The following C1orf185 variants were observed in gnomAD, a reference collection of about 807,000 sequenced individuals.
The protein encoded by C1orf185 is chromosome 1 open reading frame 185.
C1orf185 carries 13 observed loss-of-function variants against 16.1 expected under a neutral mutation model. That is an observed-to-expected ratio of 0.81 (90% CI 0.53 to 1.28). The LOEUF (loss-of-function observed/expected upper bound fraction) is 1.28, where lower values mean the gene tolerates loss of function less well. Among genes scored for constraint, C1orf185 ranks in the 50% most tolerant of loss-of-function variants. The pLI is 0.00. For missense variants in C1orf185, 220 were observed against 225.2 expected, an observed-to-expected ratio of 0.98 and a Z score of 0.15; for synonymous variants, 80 against 76.9, an observed-to-expected ratio of 1.04 and a Z score of -0.21.
At chr1:51,107,036 C>T (rs1294073040) in intron 1 of C1orf185, among the ~76,000 whole-genome samples, 2 of 152,106 alleles carry the variant, frequency 1.3e-5, no homozygotes, top group African/African-American at 2.4e-5. Flanking sequence ...GGATTACAGG[C>T]GTGAGCCACC....
chr1:51,108,366 T>C (rs540391042), intron 1 of C1orf185, among the ~76,000 whole-genome samples: 6 of 152,290 alleles, frequency 3.9e-5, no homozygotes, highest in African/African-American at 1.4e-4. Flanking sequence ...ATGTGTACAA[T>C]GTGTAATACT....
At chr1:51,104,635 A>G (rs1184296989) in intron 1 of C1orf185, among the ~76,000 whole-genome samples, 1 of 152,236 alleles carries the variant, frequency 6.6e-6, no homozygotes, top group African/African-American at 2.4e-5. Context: ...AAGTTTGGCT[A>G]TAAATGGTAA....
chr1:51,141,700 A>G (rs1646365704), intron 3 of C1orf185, among the ~76,000 whole-genome samples: 1 of 152,182 alleles, frequency 6.6e-6, no homozygotes, highest in African/African-American at 2.4e-5. Flanking sequence ...TTAAAAGTAG[A>G]ATGCATATTC....
intron 3 of C1orf185, among the ~76,000 whole-genome samples, chr1:51,130,630 T>C (rs1646276435): frequency 6.6e-6 from 1 of 152,238 alleles, no homozygotes; most frequent in Non-Finnish European, 1.5e-5. Context: ...CAACATCATT[T>C]GTAGAAAAGT....
In C1orf185 at chr1:51,147,867, CT is replaced by C. The variant is rs563637031; in HGVS notation, c.*100del. 1.2e-3 allele frequency: 1,331 copies of C among 1,112,426 alleles called. 8 individuals are homozygous for C. The African/African-American group carries it at 0.018, about 15-fold the overall frequency. 68.9% of individuals were successfully genotyped at this position (1,112,426 alleles called of 1,614,324 possible). On this transcript the variant is annotated 3_prime_UTR_variant, in exon 5 of 5. Coordinates refer to ENST00000371759, the MANE Select transcript of C1orf185 (RefSeq NM_001136508.2). Reference sequence around the variant, plus strand: ...CAACATAATACTGAATGACTTTTTTCTTTTGAAACCTTGTATACAATCAGCT... The same window carrying C: ...CAACATAATACTGAATGACTTTTTTCTTTGAAACCTTGTATACAATCAGCT...
At chr1:51,110,961 C>CAAAACA (rs1047404203) in intron 1 of C1orf185, among the ~76,000 whole-genome samples, 7 of 151,830 alleles carry the variant, frequency 4.6e-5, no homozygotes, top group Middle Eastern at 3.4e-3. Context: ...AGAGCTCACT[C>CAAAACA]AAAACAAAAA....
chr1:51,145,809 A>T, intron 4 of C1orf185, 49 bp downstream of exon 4: 1 of 1,010,254 alleles, frequency 9.9e-7, no homozygotes, highest in Middle Eastern at 2.8e-4. Flanking sequence ...GAACTTTAGC[A>T]ATTCACATCT....
chr1:51,127,203 T>C (rs1447668831), intron 3 of C1orf185, among the ~76,000 whole-genome samples: 1 of 152,170 alleles, frequency 6.6e-6, no homozygotes, highest in East Asian at 1.9e-4. Context: ...CTACAGAACA[T>C]TTTTATCACC....
At chr1:51,128,482 A>G (rs997828739) in intron 3 of C1orf185, among the ~76,000 whole-genome samples, 1 of 152,140 alleles carries the variant, frequency 6.6e-6, no homozygotes, top group Admixed American at 6.5e-5. Context: ...ACCTGAGATC[A>G]GGAATTCAAG....
chr1:51,147,401 C>T (rs1646407449), intron 4 of C1orf185, 66 bp from the exon 5 acceptor site: 1 of 1,367,482 alleles, frequency 7.3e-7, no homozygotes, highest in Non-Finnish European at 9.8e-7. Flanking sequence ...CCCATTCTGA[C>T]ATTGTCCTTA....
chr1:51,137,094 A>T (rs182651067), intron 3 of C1orf185, among the ~76,000 whole-genome samples: 1 of 152,196 alleles, frequency 6.6e-6, no homozygotes, highest in Non-Finnish European at 1.5e-5. Flanking sequence ...AAAAGTGAGG[A>T]AAGGACATGA....
intron 3 of C1orf185, among the ~76,000 whole-genome samples, chr1:51,125,656 C>CT (rs1646234942): frequency 6.6e-6 from 1 of 152,152 alleles, no homozygotes; most frequent in African/African-American, 2.4e-5. Flanking sequence ...ATGGCACCAG[C>CT]TTTTTAGAAA....
rs116454001 is a variant in C1orf185 at position 51,109,738 on chromosome 1, C to T, written c.17-2726C>T. ...TATTTCTGGGTTCTCCATCCTGTTC[C>T]ACTGGCCTATGTTTCTGTTTTTTAT... On this transcript the variant is annotated intron_variant, in intron 1 of 4. Coordinates refer to ENST00000371759, the MANE Select transcript of C1orf185 (RefSeq NM_001136508.2). Among the ~76,000 whole-genome samples, 456 of 152,238 alleles carry T rather than the reference C, an allele frequency of 3.0e-3. 4 individuals carry two copies. The highest frequency in any genetic ancestry group is 9.5e-3 in the African/African-American group (393 of 41,542).
At chr1:51,104,069 C>A (rs2148006584) in intron 1 of C1orf185, among the ~76,000 whole-genome samples, 1 of 152,242 alleles carries the variant, frequency 6.6e-6, no homozygotes, top group East Asian at 1.9e-4. Context: ...GCATATATTT[C>A]ATTATAGATT....
In C1orf185 at chr1:51,111,307, T is replaced by C. The variant is rs371628236; in HGVS notation, c.17-1157T>C. Among the ~76,000 whole-genome samples, 21 of 151,758 alleles carry C rather than the reference T, an allele frequency of 1.4e-4. No individual in the cohort carries two copies. The East Asian group carries it at 1.7e-3, about 13-fold the overall frequency. ...GGTAATATCATATAATTCCTATAGG[T>C]TTTTCCAATTGTAAAATTGGTGATA... On this transcript the variant is annotated intron_variant, in intron 1 of 4. Transcript: ENST00000371759.
intron 3 of C1orf185, among the ~76,000 whole-genome samples, chr1:51,123,754 C>T (rs1352905617): frequency 6.6e-6 from 1 of 152,136 alleles, no homozygotes; most frequent in Non-Finnish European, 1.5e-5. Context: ...TCCCTAGTAA[C>T]ATGTGATGTT....
intron 3 of C1orf185, among the ~76,000 whole-genome samples, chr1:51,127,819 T>A (rs779974424): frequency 1.3e-5 from 2 of 151,988 alleles, no homozygotes; most frequent in Non-Finnish European, 2.9e-5. Flanking sequence ...TTGACTACTA[T>A]GAATAAGGCT....
In C1orf185 at chr1:51,147,703, G is replaced by A; in HGVS notation, c.532G>A (p.Val178Ile). ...PSLGEPLMEK[V>I]FSYLSTISLE... ...TCTCGGGGAACCTCTAATGGAAAAA[G>A]TATTTTCATACCTGTCAACCATTTC... is the stretch of plus-strand genomic sequence containing the variant. The change falls in exon 5 of 5, where the codon GTA becomes ATA. Residue 178 changes from valine to isoleucine, a missense_variant. By Grantham distance (29) the Val-to-Ile change is conservative (BLOSUM62 3). Transcript: ENST00000371759. The A allele has an allele frequency of 6.4e-7, 1 of 1,551,146 alleles. No homozygotes were observed.
At chr1:51,119,924 A>G (rs368825100) in intron 3 of C1orf185, among the ~76,000 whole-genome samples, 3 of 152,354 alleles carry the variant, frequency 2.0e-5, no homozygotes, top group African/African-American at 4.8e-5. Context: ...AGAAAAATAC[A>G]TAAACTAAAT....
Sources: allele counts gnomAD v4.1 joint callset (sites outside exome capture counted in the v4.1 genomes callset), GRCh38; gene constraint gnomAD v4.1.1; transcripts MANE v1.5; gene names NCBI Gene and HGNC (gene_info 2026-07-23, HGNC 2026-07-21).